Variants in GTF2IRD1 observed in about 807,000 individuals in gnomAD.
GTF2IRD1 encodes the protein general transcription factor II-I repeat domain-containing protein 1.
In GTF2IRD1, 26 loss-of-function variants were observed where a neutral mutation model predicts 113.2. The ratio of observed to expected loss-of-function variants is 0.23; its 90% CI spans 0.17 to 0.32. The LOEUF is 0.32. Ranked by LOEUF, GTF2IRD1 falls within the 10% of genes least tolerant of loss-of-function variation. The probability of loss-of-function intolerance (pLI) is 1.00; values close to 1 mark genes in which losing one functional copy is unlikely to be tolerated. For missense variants in GTF2IRD1, 864 were observed against 1,280.8 expected, an observed-to-expected ratio of 0.67 and a Z score of 4.97; for synonymous variants, 484 against 529.1, an observed-to-expected ratio of 0.91 and a Z score of 1.17.
At chr7:74,597,708 C>T (rs1301193640) in intron 25 of GTF2IRD1, among the ~76,000 whole-genome samples, 6 of 152,168 alleles carry the variant, frequency 3.9e-5, no homozygotes, top group African/African-American at 1.4e-4. Context: ...TCTAATCTTA[C>T]CCCACCTCAT....
Position 74,555,517 on chromosome 7 carries a change from G to A in GTF2IRD1, c.2023+23G>A. 6.9e-7 allele frequency: 1 copy of A among 1,446,870 alleles called. No homozygotes were observed. The highest frequency in any genetic ancestry group is 1.1e-5 in the South Asian group (1 of 87,570). The allele number at this position is 1,446,870 out of a possible 1,614,324, so 89.6% of individuals were successfully genotyped here. On this transcript the variant is annotated intron_variant, in intron 19 of 26. Coordinates refer to ENST00000424337, the MANE Select transcript of GTF2IRD1 (RefSeq NM_005685.4). The surrounding 1 kb of genome is among the most constrained non-coding windows in gnomAD (Gnocchi z 5.3). ...AAGGTAAGGTTGAGCTCACGGGGAGGTCTGTTGTCCCAGCACCAGGACATT... is the reference window on the plus strand; with the variant it reads ...AAGGTAAGGTTGAGCTCACGGGGAGATCTGTTGTCCCAGCACCAGGACATT...
chr7:74,508,403 G>A (rs1422865386), intron 2 of GTF2IRD1, among the ~76,000 whole-genome samples, 200 bp downstream of exon 2: 1 of 152,178 alleles, frequency 6.6e-6, no homozygotes, highest in African/African-American at 2.4e-5. Context: ...TAAAAATCTA[G>A]CCCTGGGGCC....
At chr7:74,482,970 A>G (rs1174606617) in intron 1 of GTF2IRD1, among the ~76,000 whole-genome samples, 1 of 152,220 alleles carries the variant, frequency 6.6e-6, no homozygotes, top group Non-Finnish European at 1.5e-5. Flanking sequence ...CAAAGAAATA[A>G]AGTTTATTTC....
intron 1 of GTF2IRD1, among the ~76,000 whole-genome samples, chr7:74,495,941 G>A (rs782419421): frequency 5.7e-4 from 86 of 152,156 alleles, no homozygotes; most frequent in Non-Finnish European, 9.4e-4. Flanking sequence ...ACTGTGGCTG[G>A]GGCCAGCCAC....
intron 24 of GTF2IRD1, 126 bp from the exon 25 acceptor site, chr7:74,594,888 G>C: frequency 1.8e-6 from 1 of 549,542 alleles, no homozygotes; most frequent in East Asian, 3.7e-5. Context: ...GGAGGTGGAG[G>C]CTGCAGTGAG....
intron 22 of GTF2IRD1, among the ~76,000 whole-genome samples, chr7:74,573,062 C>G (rs1800787292): frequency 6.6e-6 from 1 of 152,130 alleles, no homozygotes; most frequent in African/African-American, 2.4e-5. Flanking sequence ...TTCTGCCCCC[C>G]AACCTTCCAC....
Position 74,519,684 on chromosome 7 carries a change from A to G in GTF2IRD1, c.881A>G (p.Lys294Arg), listed in dbSNP as rs1797152809. ...LGLSRPMPEP[K>R]ATGAQDFSDC... ...CTGAGTCGGCCCATGCCAGAGCCCA[A>G]GGCCACCGGTGCCCAAGACTTCTCC... Residue 294 changes from lysine to arginine, a missense_variant, in exon 6 of 27, where the codon AAG becomes AGG. Coordinates refer to ENST00000424337, the MANE Select transcript of GTF2IRD1 (RefSeq NM_005685.4). 1 of 1,590,282 alleles carries G rather than the reference A, an allele frequency of 6.3e-7. No homozygotes were observed. The highest frequency in any genetic ancestry group is 8.6e-7 in the Non-Finnish European group (1 of 1,169,292).
chr7:74,523,631 G>A lies in GTF2IRD1; in HGVS notation c.1007-440G>A, dbSNP rs587681843. On this transcript the variant is annotated intron_variant, in intron 7 of 26. Coordinates refer to ENST00000424337, the MANE Select transcript of GTF2IRD1 (RefSeq NM_005685.4). ...AGCTACTTGGGAGGCTGAGGCAGGA[G>A]AATCGCTTGAACCTGGGAGGCAGAG... Among the ~76,000 whole-genome samples, 24 of 151,954 alleles carry A rather than the reference G, an allele frequency of 1.6e-4. No individual in the cohort carries two copies. The East Asian group carries it at 4.7e-3, about 30-fold the overall frequency.
chr7:74,582,502 TCCCA>T (rs1801475419), intron 22 of GTF2IRD1, among the ~76,000 whole-genome samples: 1 of 152,074 alleles, frequency 6.6e-6, no homozygotes, highest in African/African-American at 2.4e-5. Context: ...CAAGCAATCC[TCCCA>T]CTTCAGCCTT....
intron 8 of GTF2IRD1, among the ~76,000 whole-genome samples, chr7:74,528,836 T>TGGAG (rs1797772041): frequency 6.9e-6 from 1 of 144,118 alleles, no homozygotes; most frequent in African/African-American, 2.6e-5. Flanking sequence ...GATGGATGGA[T>TGGAG]GGATGGATGA....
chr7:74,492,271 C>T (rs970925403), intron 1 of GTF2IRD1, among the ~76,000 whole-genome samples: 14 of 150,992 alleles, frequency 9.3e-5, no homozygotes, highest in East Asian at 2.0e-4. Flanking sequence ...CCCGGGTTCA[C>T]GCCATTCTCC....
chr7:74,471,690 C>CAA (rs1195034410), intron 1 of GTF2IRD1, among the ~76,000 whole-genome samples: 5 of 40,336 alleles, frequency 1.2e-4, no homozygotes, highest in South Asian at 6.6e-4. Context: ...AAAAAAAAAA[C>CAA]AAAAAAAAAA....
chr7:74,583,139 A>C, intron 22 of GTF2IRD1, among the ~76,000 whole-genome samples: 1 of 152,152 alleles, frequency 6.6e-6, no homozygotes, highest in Non-Finnish European at 1.5e-5. Flanking sequence ...TGGGCCTTGC[A>C]CAGTGTCTGC....
intron 4 of GTF2IRD1, among the ~76,000 whole-genome samples, chr7:74,517,229 G>C (rs1280014283): frequency 2.0e-5 from 3 of 151,540 alleles, no homozygotes; most frequent in African/African-American, 7.3e-5. Context: ...TCACCATGTT[G>C]GCCAGGCTGG....
chr7:74,483,266 C>T (rs1794844404), intron 1 of GTF2IRD1, among the ~76,000 whole-genome samples: 2 of 152,048 alleles, frequency 1.3e-5, no homozygotes, highest in African/African-American at 4.8e-5. Flanking sequence ...TTAGGCCGGT[C>T]ACAGTGGCTC....
intron 22 of GTF2IRD1, among the ~76,000 whole-genome samples, chr7:74,580,366 C>G (rs1398150164): frequency 6.6e-6 from 1 of 152,146 alleles, no homozygotes; most frequent in East Asian, 1.9e-4. Flanking sequence ...CTGGCTGCGT[C>G]TCCCTGCTGT....
chr7:74,545,375 T>C (rs375912949), intron 15 of GTF2IRD1, among the ~76,000 whole-genome samples: 48 of 151,954 alleles, frequency 3.2e-4, no homozygotes, highest in African/African-American at 1.0e-3. Flanking sequence ...TTAACACAGT[T>C]CCGCTGCCAC....
rs912961909 is a variant in GTF2IRD1, at chr7:74,534,464, T to G, written c.1275-649T>G. On this transcript the variant is annotated intron_variant, in intron 9 of 26. Coordinates refer to ENST00000424337, the MANE Select transcript of GTF2IRD1 (RefSeq NM_005685.4). ...TAAAAATACAGAAATTAGCTGGGTG[T>G]GGTTGCACACGCCTGTAATCCCAGC... Among the ~76,000 whole-genome samples, 11 of 152,102 alleles carry G rather than the reference T, an allele frequency of 7.2e-5. 1 individual carries two copies. The highest frequency in any genetic ancestry group is 1.5e-4 in the Non-Finnish European group (10 of 68,038).
rs782562648 is a variant in GTF2IRD1 at position 74,545,803 on chromosome 7, C to G, written c.1726C>G (p.Arg576Gly). Residue 576 changes from arginine to glycine, a missense_variant, in exon 16 of 27, where the codon CGA becomes GGA. Transcript: ENST00000424337. ...RKQVELLFNT[R>G]YAKAIGISEP... The stretch of plus-strand genomic sequence containing the variant: ...GCAGGTGGAGCTGCTCTTCAACACA[C>G]GATACGGTGAGCAAGAAGTGGGACA... 6.2e-6 allele frequency: 10 copies of G among 1,611,566 alleles called. No homozygotes were observed. Among genetic ancestry groups the G allele is most frequent in the Non-Finnish European group, 8.5e-6 (10 of 1,177,960 alleles).
Sources: allele counts gnomAD v4.1 joint callset (sites outside exome capture counted in the v4.1 genomes callset), GRCh38; gene constraint gnomAD v4.1.1; non-coding constraint Gnocchi (gnomAD v3.1); transcripts MANE v1.5; gene names NCBI Gene and HGNC (gene_info 2026-07-23, HGNC 2026-07-21).